Variants in NBPF15 observed in about 807,000 individuals in gnomAD.
NBPF15 encodes the protein NBPF family member NBPF15.
In NBPF15, 74 loss-of-function variants were observed where a neutral mutation model predicts 62.2. That is an observed-to-expected ratio of 1.19 (90% CI 0.99 to 1.44). The LOEUF is 1.44. Ranked by LOEUF, NBPF15 falls within the 40% of genes most tolerant of loss-of-function variation. The pLI, the probability that NBPF15 is intolerant of heterozygous loss-of-function variation, is 0.00. For missense variants in NBPF15, 790 were observed against 550.0 expected, an observed-to-expected ratio of 1.44 and a Z score of -4.36; for synonymous variants, 244 against 209.7, an observed-to-expected ratio of 1.16 and a Z score of -1.41.
intron 6 of NBPF15, among the ~76,000 whole-genome samples, chr1:144,445,379 ACAC>A (rs1374280124): frequency 2.8e-5 from 4 of 141,688 alleles, no homozygotes; most frequent in African/African-American, 1.0e-4. Flanking sequence ...ACACACACAC[ACAC>A]GTTTGTGTGT....
At chr1:144,423,757 G>T in intron 21 of NBPF15, 113 bp downstream of exon 21, 2 of 703,650 alleles carry the variant, frequency 2.8e-6, no homozygotes, top group Admixed American at 2.1e-5. Context: ...AATGACAGTA[G>T]GAGTAATTCA....
At chr1:144,455,865 T>A (rs1304485507) in intron 4 of NBPF15, among the ~76,000 whole-genome samples, 1 of 151,962 alleles carries the variant, frequency 6.6e-6, no homozygotes, top group Non-Finnish European at 1.5e-5. Context: ...TGGTACCTAA[T>A]AGTCACCCCA....
rs1191219363 is a variant in NBPF15 at position 144,440,323 on chromosome 1, G to T, written c.-190-28C>A. 6 of 1,269,446 alleles carry T rather than the reference G, an allele frequency of 4.7e-6. No individual in the cohort carries two copies. The Admixed American group carries it at 1.3e-4, about 28-fold the overall frequency. 78.6% of individuals were successfully genotyped at this position (1,269,446 alleles called of 1,614,324 possible). A position where few individuals can be genotyped will look rare whatever the true frequency, so the allele number is the denominator to read the frequency against. ...GCAGTTGCAATAACAGAATTAGAAGGTGGGGGTGTCATGGAATCTTAGGAG... is the reference window on the plus strand; with the variant it reads ...GCAGTTGCAATAACAGAATTAGAAGTTGGGGGTGTCATGGAATCTTAGGAG... On this transcript the variant is annotated intron_variant, in intron 6 of 21. Transcript: ENST00000581897.
At chr1:144,424,039 C>A (rs1400927128) in intron 20 of NBPF15, 64 bp from the exon 21 acceptor site, 1 of 759,494 alleles carries the variant, frequency 1.3e-6, no homozygotes, top group African/African-American at 1.7e-5. Context: ...TAACAATCCA[C>A]TGTCTAATCC....
At position 144,447,735 on chromosome 1, in the gene NBPF15, T is replaced by A. The variant is rs587603417; in HGVS notation, c.-191+1040A>T. Reference sequence around the variant, plus strand: ...TCAGCGTAAAGCACTCAACCAGGAGTCAAGATATTGTTATTTTCAACTGTT... The same window carrying A: ...TCAGCGTAAAGCACTCAACCAGGAGACAAGATATTGTTATTTTCAACTGTT... On this transcript the variant is annotated intron_variant, in intron 6 of 21. Coordinates refer to ENST00000581897, the MANE Select transcript of NBPF15 (RefSeq NM_001385408.1). 1.5e-4 allele frequency among the ~76,000 whole-genome samples: 23 copies of A among 151,990 alleles called. No homozygotes were observed. In the East Asian group the frequency reaches 4.4e-3, roughly 29 times the overall value.
rs1179963472 is a variant in NBPF15, at chr1:144,422,678, G to A, written c.*335C>T. 3.4e-5 allele frequency: 16 copies of A among 465,196 alleles called. No individual in the cohort carries two copies. The highest frequency in any genetic ancestry group is 6.2e-5 in the Non-Finnish European group (16 of 257,860). The allele number at this position is 465,196 out of a possible 1,614,324, so 28.8% of individuals were successfully genotyped here. A position where few individuals can be genotyped will look rare whatever the true frequency, so the allele number is the denominator to read the frequency against. ...TAAACACAAAGATGACAATGACCTT[G>A]AGCAGGTATAGAAGCTCAGAGACAT... is the stretch of plus-strand genomic sequence containing the variant. On this transcript the variant is annotated 3_prime_UTR_variant, in exon 22 of 22. Transcript: ENST00000581897.
chr1:144,455,089 G>GAGGAAGGAAGGAAGGAAGGA (rs142085487), intron 4 of NBPF15, among the ~76,000 whole-genome samples: 2 of 139,926 alleles, frequency 1.4e-5, no homozygotes, highest in South Asian at 2.4e-4. Flanking sequence ...GGGAAGGAAG[G>GAGGAAGGAAGGAAGGAAGGA]AGGAAGGAAG....
chr1:144,455,971 A>G (rs1647311478), intron 4 of NBPF15, among the ~76,000 whole-genome samples: 1 of 152,032 alleles, frequency 6.6e-6, no homozygotes, highest in African/African-American at 2.4e-5. Flanking sequence ...GGATTCTGGA[A>G]TGGGAGATGG....
chr1:144,461,566 C>G lies in NBPF15; in HGVS notation c.-1123G>C, dbSNP rs879959652. On this transcript the variant is annotated 5_prime_UTR_variant, in exon 1 of 22. Transcript: ENST00000581897. ...TCAGATGCTCACGCAGCCTCGCGAC[C>G]CTCACCTACCCCTCCCGATACCGCC... is the stretch of plus-strand genomic sequence containing the variant. 4 of 152,880 alleles carry G rather than the reference C, an allele frequency of 2.6e-5. No individual in the cohort carries two copies. The highest frequency in any genetic ancestry group is 6.5e-5 in the Admixed American group (1 of 15,276). 9.5% of individuals were successfully genotyped at this position (152,880 alleles called of 1,614,324 possible).
chr1:144,430,922 G>A (rs1475416208), intron 13 of NBPF15, among the ~76,000 whole-genome samples: 1 of 151,962 alleles, frequency 6.6e-6, no homozygotes, highest in East Asian at 1.9e-4. Context: ...AGAACTACGT[G>A]GTGCATGCAC....
chr1:144,438,436 G>A (rs1313156777), intron 8 of NBPF15, among the ~76,000 whole-genome samples: 1 of 151,864 alleles, frequency 6.6e-6, no homozygotes, highest in African/African-American at 2.4e-5. Flanking sequence ...AAGGCCCCTA[G>A]GACTATGGGA....
intron 8 of NBPF15, among the ~76,000 whole-genome samples, chr1:144,438,897 C>T (rs1362342389): frequency 6.6e-6 from 1 of 151,966 alleles, no homozygotes; most frequent in African/African-American, 2.4e-5. Flanking sequence ...CTTTCTTCCT[C>T]TTTAGCAACA....
intron 4 of NBPF15, among the ~76,000 whole-genome samples, chr1:144,451,476 C>A (rs1553545504): frequency 1.3e-5 from 2 of 151,644 alleles, no homozygotes; most frequent in Admixed American, 6.6e-5. Flanking sequence ...ACAGTCAGGT[C>A]TTTCCCTTCC....
In NBPF15 at chr1:144,423,141, T is replaced by C. The variant is rs1553538552; in HGVS notation, c.1885A>G (p.Arg629Gly). ...TCCTCAAATGAGTAAAACACACTTC[T>C]GTAGTGCTGGAATGAGTCAGGTTGT... Reference protein sequence around the residue: ...FEQPDSFQHYRSVFYSFEEEH... With the variant: ...FEQPDSFQHYGSVFYSFEEEH... Residue 629 changes from arginine (R) to glycine (G), a missense_variant, in exon 22 of 22, where the codon AGA becomes GGA. By Grantham distance (125) the Arg-to-Gly change is moderately radical. Coordinates refer to ENST00000581897, the MANE Select transcript of NBPF15 (RefSeq NM_001385408.1). The C allele has an allele frequency of 1.2e-6, 2 of 1,611,460 alleles. No individual in the cohort carries two copies. Among genetic ancestry groups the C allele is most frequent in the African/African-American group, 2.7e-5 (2 of 74,732 alleles).
intron 16 of NBPF15, 111 bp from the exon 17 acceptor site, chr1:144,427,209 G>A (rs1237455480): frequency 9.0e-6 from 6 of 663,118 alleles, no homozygotes; most frequent in African/African-American, 1.8e-5. Context: ...CATGAGAATA[G>A]GACACTGTGA....
chr1:144,461,068 T>G (rs28714291), intron 1 of NBPF15, 107 bp from the exon 2 acceptor site: 28 of 150,700 alleles, frequency 1.9e-4, no homozygotes, highest in Middle Eastern at 3.4e-3. Flanking sequence ...GGCAACCGAT[T>G]TCTGGCCTCG....
At chr1:144,451,706 G>T (rs587720034) in intron 4 of NBPF15, among the ~76,000 whole-genome samples, 31 of 151,580 alleles carry the variant, frequency 2.0e-4, no homozygotes, top group African/African-American at 7.3e-4. Flanking sequence ...AGTTGACACA[G>T]CCCATGTCTT....
chr1:144,450,923 T>C (rs1558618391), intron 4 of NBPF15, 53 bp from the exon 5 acceptor site: 1 of 181,430 alleles, frequency 5.5e-6, no homozygotes, highest in African/African-American at 2.4e-5. Flanking sequence ...TCCACACCTG[T>C]GGGCGTTTCT....
rs587618565 is a variant in NBPF15 at position 144,453,484 on chromosome 1, T to G, written c.-431-2614A>C. Among the ~76,000 whole-genome samples, 40 of 151,494 alleles carry G rather than the reference T, an allele frequency of 2.6e-4. 1 individual carries two copies. Among genetic ancestry groups the G allele is most frequent in the African/African-American group, 9.7e-4 (40 of 41,376 alleles). ...AATGAAAAAAAAATTAAGTTGAGCC[T>G]CATTAAAATTAAAAACTTCTGTTCT... On this transcript the variant is annotated intron_variant, in intron 4 of 21. Transcript: ENST00000581897.
Sources: gnomAD v4.1 joint callset for allele counts (sites outside exome capture counted in the v4.1 genomes callset) on GRCh38, gnomAD v4.1.1 for gene constraint, MANE v1.5 for transcripts, NCBI Gene and HGNC (gene_info 2026-07-23, HGNC 2026-07-21) for gene names.